C11orf52: variants seen among roughly 807,000 people sequenced by gnomAD.
C11orf52 encodes chromosome 11 open reading frame 52.
In C11orf52, 9 loss-of-function variants were observed where a neutral mutation model predicts 11.7. The ratio of observed to expected loss-of-function variants is 0.77; its 90% CI spans 0.46 to 1.34. The LOEUF (loss-of-function observed/expected upper bound fraction) is 1.34, where lower values mean the gene tolerates loss of function less well. Ranked by LOEUF, C11orf52 falls within the 40% of genes most tolerant of loss-of-function variation. C11orf52 has a pLI of 0.00. For missense variants in C11orf52, 139 were observed against 154.8 expected, an observed-to-expected ratio of 0.90 and a Z score of 0.54; for synonymous variants, 49 against 57.4, an observed-to-expected ratio of 0.85 and a Z score of 0.66.
At chr11:111,919,473 A>G (rs1448098582) in intron 1 of C11orf52, among the ~76,000 whole-genome samples, 1 of 149,688 alleles carries the variant, frequency 6.7e-6, no homozygotes, top group Non-Finnish European at 1.5e-5. Context: ...CTGTCTCAAC[A>G]ACAACAACAA....
At chr11:111,920,891 C>G (rs1383504873) in intron 1 of C11orf52, among the ~76,000 whole-genome samples, 1 of 152,230 alleles carries the variant, frequency 6.6e-6, no homozygotes, top group African/African-American at 2.4e-5. Context: ...TTCTCTGTAT[C>G]CATCCTCACA....
At chr11:111,924,132 G>C (rs1965747319) in intron 1 of C11orf52, 194 bp from the exon 2 acceptor site, 1 of 580,170 alleles carries the variant, frequency 1.7e-6, no homozygotes, top group African/African-American at 1.8e-5. Flanking sequence ...CCACCTTCCA[G>C]AACCATCCAT....
intron 1 of C11orf52, among the ~76,000 whole-genome samples, chr11:111,919,421 C>T (rs1555166338): frequency 1.3e-5 from 2 of 152,014 alleles, no homozygotes; most frequent in Admixed American, 6.6e-5. Context: ...TGCAGTGAGC[C>T]GAGATCGCGC....
intron 1 of C11orf52, among the ~76,000 whole-genome samples, chr11:111,922,021 C>T (rs1555166606): frequency 6.6e-6 from 1 of 152,128 alleles, no homozygotes; most frequent in Non-Finnish European, 1.5e-5. Flanking sequence ...TTAGCAGAGA[C>T]GGGGTTTCAC....
chr11:111,925,531 G>C, intron 2 of C11orf52, 122 bp from the exon 3 acceptor site: 2 of 961,700 alleles, frequency 2.1e-6, no homozygotes, highest in Non-Finnish European at 3.2e-6. Flanking sequence ...AAAGAAGTGA[G>C]AATGGAGGCA....
At chr11:111,922,249 C>G (rs375886522) in intron 1 of C11orf52, among the ~76,000 whole-genome samples, 3 of 152,216 alleles carry the variant, frequency 2.0e-5, no homozygotes, top group Non-Finnish European at 4.4e-5. Context: ...TCTAGAGACA[C>G]TATACCAAAT....
chr11:111,920,494 C>T (rs182505572), intron 1 of C11orf52, among the ~76,000 whole-genome samples: 125 of 151,744 alleles, frequency 8.2e-4, no homozygotes, highest in Non-Finnish European at 1.1e-3. Flanking sequence ...GCTGAGATTG[C>T]GCCACTGCAG....
intron 1 of C11orf52, chr11:111,923,560 A>G (rs1289456686): frequency 6.6e-6 from 1 of 152,156 alleles, no homozygotes; most frequent in African/African-American, 2.4e-5. Flanking sequence ...TATTTAGCCT[A>G]TTTCCTCAGT....
intron 2 of C11orf52, among the ~76,000 whole-genome samples, chr11:111,925,396 G>A (rs953567249): frequency 1.4e-4 from 17 of 125,298 alleles, no homozygotes; most frequent in African/African-American, 6.9e-4. Context: ...GGCACACAAT[G>A]GGTTCTCTTG....
At position 111,926,563 on chromosome 11, in the gene C11orf52, C is replaced by T. The variant is rs587638621; in HGVS notation, c.*364C>T. On this transcript the variant is annotated 3_prime_UTR_variant, in exon 4 of 4. Transcript: ENST00000278601. Reference sequence around the variant, plus strand: ...AAGCACGTGGGCTGATCTTGTTGGACTTTAATTAATGGTATCCTTTTTCAC... The same window carrying T: ...AAGCACGTGGGCTGATCTTGTTGGATTTTAATTAATGGTATCCTTTTTCAC... 3.7e-6 allele frequency: 1 copy of T among 269,850 alleles called. No homozygotes were observed. Among genetic ancestry groups the T allele is most frequent in the South Asian group, 5.3e-5 (1 of 18,698 alleles). 16.7% of individuals were successfully genotyped at this position (269,850 alleles called of 1,614,324 possible).
At chr11:111,919,308 A>G in intron 1 of C11orf52, 1 of 315,284 alleles carries the variant, frequency 3.2e-6, no homozygotes, top group South Asian at 4.6e-5. Flanking sequence ...CCCCGTCTCT[A>G]CTGAAAATAC....
In C11orf52 at chr11:111,926,487, T is replaced by C; in HGVS notation, c.*288T>C. The C allele has an allele frequency of 2.2e-6, 1 of 461,228 alleles. No homozygotes were observed. The allele number at this position is 461,228 out of a possible 1,614,324, so 28.6% of individuals were successfully genotyped here. Reference sequence around the variant, plus strand: ...AGGTAGGTCTTCGACCCCACCATTGTTGCTCCTGCTCTTGCAAAGTGCAGA... The same window carrying C: ...AGGTAGGTCTTCGACCCCACCATTGCTGCTCCTGCTCTTGCAAAGTGCAGA... On this transcript the variant is annotated 3_prime_UTR_variant, in exon 4 of 4. Coordinates refer to ENST00000278601, the MANE Select transcript of C11orf52 (RefSeq NM_080659.3).
In C11orf52 at chr11:111,925,287, T is replaced by C. The variant is rs587694356; in HGVS notation, c.71-366T>C. 2.0e-5 allele frequency among the ~76,000 whole-genome samples: 3 copies of C among 152,284 alleles called. No homozygotes were observed. In the South Asian group the frequency reaches 6.2e-4, roughly 32 times the overall value. On this transcript the variant is annotated intron_variant, in intron 2 of 3. Coordinates refer to ENST00000278601, the MANE Select transcript of C11orf52 (RefSeq NM_080659.3). ...ACCTTGCATTGTAAGTGTGTTTACTTATTTTTATTTATTTGTCTCCCCTAG... is the reference window on the plus strand; with the variant it reads ...ACCTTGCATTGTAAGTGTGTTTACTCATTTTTATTTATTTGTCTCCCCTAG...
chr11:111,922,336 C>T (rs962881059), intron 1 of C11orf52, among the ~76,000 whole-genome samples: 2 of 152,118 alleles, frequency 1.3e-5, no homozygotes, highest in Admixed American at 6.5e-5. Flanking sequence ...TTTTTGTTAT[C>T]TCAATAAACC....
intron 1 of C11orf52, among the ~76,000 whole-genome samples, chr11:111,920,134 G>A (rs1965667302): frequency 6.6e-6 from 1 of 152,088 alleles, no homozygotes; most frequent in South Asian, 2.1e-4. Context: ...GACGGAGCTT[G>A]CAGTGAGCCG....
At position 111,926,452 on chromosome 11, in the gene C11orf52, G is replaced by T; in HGVS notation, c.*253G>T. The T allele has an allele frequency of 1.8e-6, 1 of 568,550 alleles. No homozygotes were observed. The highest frequency in any genetic ancestry group is 2.1e-5 in the South Asian group (1 of 47,994). The allele number at this position is 568,550 out of a possible 1,614,324, so 35.2% of individuals were successfully genotyped here. A position where few individuals can be genotyped will look rare whatever the true frequency, so the allele number is the denominator to read the frequency against. On this transcript the variant is annotated 3_prime_UTR_variant, in exon 4 of 4. Coordinates refer to ENST00000278601, the MANE Select transcript of C11orf52 (RefSeq NM_080659.3). The stretch of plus-strand genomic sequence containing the variant: ...AGCTATCCACATGAGGTTAGGTGGA[G>T]TGTGCAGGGAGGTAGGTCTTCGACC...
chr11:111,925,754 A>T, intron 3 of C11orf52, 40 bp downstream of exon 3: 1 of 1,609,366 alleles, frequency 6.2e-7, no homozygotes, highest in Non-Finnish European at 8.5e-7. Flanking sequence ...GGCTGCTCGG[A>T]CATGGGATCC....
chr11:111,924,820 G>A (rs1965760139), intron 2 of C11orf52, among the ~76,000 whole-genome samples: 1 of 152,206 alleles, frequency 6.6e-6, no homozygotes, highest in Admixed American at 6.5e-5. Flanking sequence ...ATGTCGAAAT[G>A]TCAAAGAAAT....
chr11:111,919,521 G>A (rs1965654883), intron 1 of C11orf52, among the ~76,000 whole-genome samples: 1 of 152,150 alleles, frequency 6.6e-6, no homozygotes, highest in Admixed American at 6.5e-5. Context: ...TCTGCGGAAT[G>A]GCCAGAGCAG....
Sources: allele counts gnomAD v4.1 joint callset (sites outside exome capture counted in the v4.1 genomes callset), GRCh38; gene constraint gnomAD v4.1.1; transcripts MANE v1.5; gene names NCBI Gene and HGNC (gene_info 2026-07-23, HGNC 2026-07-21).